SPATS2L: variants seen among roughly 807,000 people sequenced by gnomAD.
SPATS2L encodes the protein SPATS2-like protein.
SPATS2L carries 30 observed loss-of-function variants against 59.6 expected under a neutral mutation model. The observed-to-expected ratio is 0.50, with a 90% CI of 0.38 to 0.68. The LOEUF (loss-of-function observed/expected upper bound fraction) is 0.68, where lower values mean the gene tolerates loss of function less well. Ranked by LOEUF, SPATS2L falls within the 30% of genes least tolerant of loss-of-function variation. The probability of loss-of-function intolerance (pLI) is 0.00; values close to 1 mark genes in which losing one functional copy is unlikely to be tolerated. For missense variants in SPATS2L, 615 were observed against 700.0 expected, an observed-to-expected ratio of 0.88 and a Z score of 1.37; for synonymous variants, 252 against 263.5, an observed-to-expected ratio of 0.96 and a Z score of 0.42.
chr2:200,441,170 T>C (rs548992429), intron 8 of SPATS2L, among the ~76,000 whole-genome samples: 1 of 152,224 alleles, frequency 6.6e-6, no homozygotes, highest in South Asian at 2.1e-4. Context: ...TAAGAAGAAT[T>C]CCCTTAACGA....
chr2:200,459,051 A>G (rs940616046), intron 8 of SPATS2L, among the ~76,000 whole-genome samples: 1 of 152,216 alleles, frequency 6.6e-6, no homozygotes, highest in African/African-American at 2.4e-5. Flanking sequence ...GGAATTTGTC[A>G]TGATGCATTA....
chr2:200,311,057 G>A (rs2079177914), intron 1 of SPATS2L, among the ~76,000 whole-genome samples: 1 of 152,190 alleles, frequency 6.6e-6, no homozygotes, highest in Non-Finnish European at 1.5e-5. Flanking sequence ...GCCGTAAGAA[G>A]CACTTGATAA....
At chr2:200,361,082 C>A (rs1437688422) in intron 2 of SPATS2L, among the ~76,000 whole-genome samples, 3 of 120,030 alleles carry the variant, frequency 2.5e-5, no homozygotes, top group Non-Finnish European at 4.8e-5. Context: ...CCACCCCACC[C>A]CCCCACACAC....
intron 9 of SPATS2L, 52 bp downstream of exon 9, chr2:200,459,879 A>G: frequency 7.4e-7 from 1 of 1,345,138 alleles, no homozygotes; most frequent in Non-Finnish European, 1.1e-6. Context: ...ATCAGAAGCA[A>G]TCCATAGGTC....
At chr2:200,465,921 A>T (rs1408889408) in intron 9 of SPATS2L, among the ~76,000 whole-genome samples, 1 of 152,100 alleles carries the variant, frequency 6.6e-6, no homozygotes, top group African/African-American at 2.4e-5. Context: ...AGTCCCAGCT[A>T]CCCAGGAGGC....
At chr2:200,379,072 C>CT (rs1211255293) in intron 2 of SPATS2L, among the ~76,000 whole-genome samples, 3 of 152,144 alleles carry the variant, frequency 2.0e-5, no homozygotes, top group Admixed American at 6.5e-5. Flanking sequence ...AATTCCAACT[C>CT]TAATTCTTCC....
At chr2:200,472,751 T>C (rs1298196278) in intron 11 of SPATS2L, 81 bp from the exon 12 acceptor site, 3 of 1,245,990 alleles carry the variant, frequency 2.4e-6, no homozygotes, top group Non-Finnish European at 3.5e-6. Flanking sequence ...AGTTTCTTCA[T>C]CTTCTAGCGC....
chr2:200,353,597 A>G (rs1420356239), intron 2 of SPATS2L, among the ~76,000 whole-genome samples: 1 of 152,128 alleles, frequency 6.6e-6, no homozygotes, highest in Non-Finnish European at 1.5e-5. Flanking sequence ...AAAATTTTCA[A>G]ACTTTGAATC....
intron 3 of SPATS2L, chr2:200,389,865 A>G (rs1447605802): frequency 1.3e-5 from 2 of 152,574 alleles, no homozygotes. Context: ...TTCCAAGTCT[A>G]TGCTGCGTCC....
At chr2:200,470,647 C>T (rs956459404) in intron 11 of SPATS2L, among the ~76,000 whole-genome samples, 2 of 152,122 alleles carry the variant, frequency 1.3e-5, no homozygotes, top group Admixed American at 6.5e-5. Flanking sequence ...TAAGGACGGC[C>T]ACAAGGAGGA....
At chr2:200,419,100 G>A in intron 5 of SPATS2L, 150 bp from the exon 6 acceptor site, 1 of 687,460 alleles carries the variant, frequency 1.5e-6, no homozygotes, top group Non-Finnish European at 2.4e-6. Flanking sequence ...TAACTTGGGT[G>A]GTTAATAAAG....
chr2:200,334,631 T>A (rs2080077020), intron 2 of SPATS2L, among the ~76,000 whole-genome samples: 3 of 151,812 alleles, frequency 2.0e-5, no homozygotes, highest in Admixed American at 6.6e-5. Context: ...TCTTCTAGGG[T>A]TTTTATGGTT....
chr2:200,369,421 AG>A (rs770577786), intron 2 of SPATS2L, among the ~76,000 whole-genome samples: 39 of 152,168 alleles, frequency 2.6e-4, no homozygotes, highest in Non-Finnish European at 3.8e-4. Flanking sequence ...GGCCTCCCAA[AG>A]TGCTGGGATT....
At chr2:200,367,377 A>G (rs2081297350) in intron 2 of SPATS2L, among the ~76,000 whole-genome samples, 1 of 152,192 alleles carries the variant, frequency 6.6e-6, no homozygotes, top group Admixed American at 6.6e-5. Flanking sequence ...GTGTGGACAG[A>G]ACACAGTCTT....
intron 2 of SPATS2L, among the ~76,000 whole-genome samples, chr2:200,379,816 T>G (rs2081739346): frequency 1.3e-5 from 2 of 152,166 alleles, no homozygotes; most frequent in Non-Finnish European, 2.9e-5. Context: ...CACTTCACCT[T>G]TCCTGAGATG....
At chr2:200,401,581 A>G (rs2082530314) in intron 3 of SPATS2L, among the ~76,000 whole-genome samples, 1 of 152,190 alleles carries the variant, frequency 6.6e-6, no homozygotes, top group African/African-American at 2.4e-5. Context: ...TACACTTAAA[A>G]AGAGATCTGT....
At chr2:200,307,278 C>T (rs962741559) in intron 1 of SPATS2L, among the ~76,000 whole-genome samples, 2 of 151,632 alleles carry the variant, frequency 1.3e-5, no homozygotes, top group Non-Finnish European at 2.9e-5. Context: ...GGCCGCCGTC[C>T]CTCGCCTGCC....
chr2:200,398,244 C>T (rs2082417499), intron 3 of SPATS2L, among the ~76,000 whole-genome samples: 1 of 152,082 alleles, frequency 6.6e-6, no homozygotes, highest in African/African-American at 2.4e-5. Context: ...ATTTCCGTAG[C>T]TGCCACAATA....
intron 2 of SPATS2L, among the ~76,000 whole-genome samples, chr2:200,337,462 T>G (rs945698142): frequency 2.6e-5 from 4 of 152,202 alleles, no homozygotes; most frequent in Non-Finnish European, 5.9e-5. Context: ...CTATGAGAAC[T>G]GACAGAGTGC....
Sources: allele counts gnomAD v4.1 joint callset (sites outside exome capture counted in the v4.1 genomes callset), GRCh38; gene constraint gnomAD v4.1.1; transcripts MANE v1.5; gene names NCBI Gene and HGNC (gene_info 2026-07-23, HGNC 2026-07-21).